ANK3: variants seen among roughly 807,000 people sequenced by gnomAD.
ANK3 encodes the protein ankyrin 3.
ANK3 carries 57 observed loss-of-function variants against 370.9 expected under a neutral mutation model. The ratio of observed to expected loss-of-function variants is 0.15; its 90% CI spans 0.12 to 0.19. ANK3 has a LOEUF of 0.19. Ranked by LOEUF, ANK3 falls within the 10% of genes least tolerant of loss-of-function variation. ANK3 has a pLI of 1.00. For missense variants in ANK3, 4,439 were observed against 5,302.1 expected (o/e 0.84, Z 5.06); for synonymous variants, 1,929 against 1,946.3 (o/e 0.99, Z 0.23).
intron 35 of ANK3, among the ~76,000 whole-genome samples, chr10:60,081,093 C>T (rs994367585): frequency 6.6e-6 from 1 of 151,818 alleles, no homozygotes; most frequent in Non-Finnish European, 1.5e-5. Context: ...GTGGGGCGGG[C>T]AGAGGAGGGT....
chr10:60,107,589 T>A (rs2092316392), intron 27 of ANK3, among the ~76,000 whole-genome samples: 1 of 152,230 alleles, frequency 6.6e-6, no homozygotes, highest in South Asian at 2.1e-4. Context: ...CGAAACAATT[T>A]TATAACTTTA....
Position 60,341,835 on chromosome 10 carries a change from G to A in ANK3, c.114+47590C>T, listed in dbSNP as rs74765862. Among the ~76,000 whole-genome samples, 92 of 152,270 alleles carry A rather than the reference G, an allele frequency of 6.0e-4. 2 individuals carry two copies. In the East Asian group the frequency reaches 0.016, roughly 26 times the overall value. On this transcript the variant is annotated intron_variant, in intron 1 of 43. Coordinates refer to ENST00000280772, the MANE Select transcript of ANK3 (RefSeq NM_020987.5). The stretch of plus-strand genomic sequence containing the variant: ...ATTGGTTTTTAAGTAGACCACGATA[G>A]GGTTAATTCACAAGAGGCATAGGTT...
chr10:60,210,329 G>A lies in ANK3; in HGVS notation c.997-2096C>T, dbSNP rs529594552. 1.3e-4 allele frequency among the ~76,000 whole-genome samples: 20 copies of A among 152,234 alleles called. No individual in the cohort carries two copies. The South Asian group carries it at 3.7e-3, about 29-fold the overall frequency. ...GCAGGAGGTGGTGAAGATGGGAGGG[G>A]TAAATCGTGAGAAAACGCCTGTCTA... On this transcript the variant is annotated intron_variant, in intron 9 of 43. Coordinates refer to ENST00000280772, the MANE Select transcript of ANK3 (RefSeq NM_020987.5).
intron 1 of ANK3, among the ~76,000 whole-genome samples, chr10:60,707,825 CAA>C (rs2079641519): frequency 4.6e-5 from 7 of 151,770 alleles, no homozygotes; most frequent in Admixed American, 4.6e-4. Flanking sequence ...CAGCTAAAGA[CAA>C]GGTCCTTGTC....
intron 1 of ANK3, among the ~76,000 whole-genome samples, chr10:60,694,377 G>C (rs2079409282): frequency 6.6e-6 from 1 of 152,148 alleles, no homozygotes; most frequent in Admixed American, 6.6e-5. Flanking sequence ...CCAACATTCA[G>C]ATGCAGGAAA....
At chr10:60,496,011 A>G (rs997131616) in intron 2 of ANK3, among the ~76,000 whole-genome samples, 6 of 151,952 alleles carry the variant, frequency 3.9e-5, no homozygotes, top group Admixed American at 1.3e-4. Context: ...TTCCAATGTC[A>G]AGAATGGCAA....
At chr10:60,374,263 C>T (rs2060485438) in intron 1 of ANK3, among the ~76,000 whole-genome samples, 2 of 152,064 alleles carry the variant, frequency 1.3e-5, no homozygotes, top group African/African-American at 4.8e-5. Flanking sequence ...CAAATCAATA[C>T]CTGTGACTTT....
At chr10:60,569,619 A>G (rs2077544326) in intron 2 of ANK3, among the ~76,000 whole-genome samples, 1 of 152,200 alleles carries the variant, frequency 6.6e-6, no homozygotes, top group Admixed American at 6.5e-5. Flanking sequence ...AAATACAAAA[A>G]TACTATGCGC....
At chr10:60,558,519 C>T (rs894979661) in intron 2 of ANK3, among the ~76,000 whole-genome samples, 6 of 152,142 alleles carry the variant, frequency 3.9e-5, no homozygotes, top group African/African-American at 4.8e-5. Flanking sequence ...GACTTTGAAC[C>T]GCTCAGTGCA....
At chr10:60,089,619 T>C (rs961611568) in intron 28 of ANK3, among the ~76,000 whole-genome samples, 2 of 152,114 alleles carry the variant, frequency 1.3e-5, no homozygotes, top group Admixed American at 1.3e-4. Context: ...AGCAAGAGTA[T>C]TTTGGAAAAG....
chr10:60,139,309 G>A, intron 23 of ANK3: 2 of 489,040 alleles, frequency 4.1e-6, no homozygotes. Flanking sequence ...AACAACTCCT[G>A]GTATTAAATA....
intron 2 of ANK3, among the ~76,000 whole-genome samples, chr10:60,577,010 G>A (rs2077690699): frequency 6.6e-6 from 1 of 152,164 alleles, no homozygotes; most frequent in African/African-American, 2.4e-5. Flanking sequence ...TAATAGTTAT[G>A]TATTTACTTT....
rs537811493 is a variant in ANK3, at chr10:60,130,043, T to C, written c.2841+4228A>G. On this transcript the variant is annotated intron_variant, in intron 25 of 43. Coordinates refer to ENST00000280772, the MANE Select transcript of ANK3 (RefSeq NM_020987.5). ...ATGATTTTGTGTCACTTAATTCTAA[T>C]AGAAAATGTTTAAATGCACTTCTGA... is the stretch of plus-strand genomic sequence containing the variant. Among the ~76,000 whole-genome samples, 71 of 152,280 alleles carry C rather than the reference T, an allele frequency of 4.7e-4. 1 individual carries two copies. In the South Asian group the frequency reaches 0.015, roughly 32 times the overall value.
intron 21 of ANK3, among the ~76,000 whole-genome samples, chr10:60,168,588 A>C (rs2095688030): frequency 6.6e-6 from 1 of 152,152 alleles, no homozygotes; most frequent in Non-Finnish European, 1.5e-5. Context: ...CAGGACATGC[A>C]GGTTTGTTAC....
At chr10:60,711,432 G>T (rs915381999) in intron 1 of ANK3, among the ~76,000 whole-genome samples, 48 of 151,902 alleles carry the variant, frequency 3.2e-4, no homozygotes, top group Non-Finnish European at 5.6e-4. Flanking sequence ...CAGATATGAA[G>T]AATGCCTTTA....
chr10:60,270,452 T>C (rs992495643), intron 4 of ANK3, among the ~76,000 whole-genome samples: 1 of 152,202 alleles, frequency 6.6e-6, no homozygotes, highest in Admixed American at 6.5e-5. Flanking sequence ...AATTTGAGTA[T>C]AGCTCATAGT....
At chr10:60,507,208 T>C (rs941223478) in intron 2 of ANK3, among the ~76,000 whole-genome samples, 1 of 152,122 alleles carries the variant, frequency 6.6e-6, no homozygotes, top group Non-Finnish European at 1.5e-5. Flanking sequence ...TAAAAACTTG[T>C]ATGAAACTTG....
chr10:60,036,440 TTTTTTTTTTTTTTG>T (rs1314018558), intron 43 of ANK3, among the ~76,000 whole-genome samples: 6 of 126,886 alleles, frequency 4.7e-5, no homozygotes, highest in Non-Finnish European at 9.9e-5. Context: ...TTTTTTTTTT[TTTTTTTTTTTTTTG>T]AGACGGAGTC....
intron 1 of ANK3, among the ~76,000 whole-genome samples, chr10:60,691,050 T>G (rs960947503): frequency 3.9e-5 from 6 of 152,144 alleles, no homozygotes; most frequent in African/African-American, 1.4e-4. Flanking sequence ...ACAGGTCAAT[T>G]GTGTATGTGT....
Sources: allele counts gnomAD v4.1 joint callset (sites outside exome capture counted in the v4.1 genomes callset), GRCh38; gene constraint gnomAD v4.1.1; transcripts MANE v1.5; gene names NCBI Gene and HGNC (gene_info 2026-07-23, HGNC 2026-07-21).